The following RAB3GAP2 variants were observed in gnomAD, a reference collection of about 807,000 sequenced individuals.
The protein encoded by RAB3GAP2 is RAB3 GTPase activating non-catalytic protein subunit 2, also known as rab3 GTPase-activating protein non-catalytic subunit.
Under a neutral mutation model 185.3 loss-of-function variants are expected in RAB3GAP2, and 87 were observed. That is an observed-to-expected ratio of 0.47 (90% CI 0.39 to 0.56). RAB3GAP2 has a LOEUF of 0.56. Ranked by LOEUF, RAB3GAP2 falls within the 20% of genes least tolerant of loss-of-function variation. The pLI is 0.00. For synonymous variants in RAB3GAP2, 554 were observed against 576.1 expected, an observed-to-expected ratio of 0.96 and a Z score of 0.55; for missense variants, 1,492 against 1,638.2, an observed-to-expected ratio of 0.91 and a Z score of 1.54.
chr1:220,227,664 T>C (rs1037444791), intron 2 of RAB3GAP2, among the ~76,000 whole-genome samples: 6 of 152,198 alleles, frequency 3.9e-5, no homozygotes, highest in African/African-American at 1.4e-4. Flanking sequence ...AACACCCGAC[T>C]AATGCAGAAG....
At chr1:220,172,175 A>G in intron 22 of RAB3GAP2, 126 bp from the exon 23 acceptor site, 1 of 891,170 alleles carries the variant, frequency 1.1e-6, no homozygotes, top group Non-Finnish European at 1.8e-6. Context: ...TTCTCAATGA[A>G]GTGGAAGTCT....
intron 20 of RAB3GAP2, 58 bp from the exon 21 acceptor site, chr1:220,182,412 A>C (rs1037020770): frequency 4.4e-6 from 7 of 1,603,252 alleles, no homozygotes; most frequent in Non-Finnish European, 6.0e-6. Flanking sequence ...TGGACTAACA[A>C]TCTTATTGAA....
rs1658203351 is a variant in RAB3GAP2 at position 220,172,747 on chromosome 1, A to T, written c.2311-5T>A. On this transcript the variant is annotated splice_region_variant and splice_polypyrimidine_tract_variant and intron_variant, in intron 21 of 34. Transcript: ENST00000358951. Reference sequence around the variant, plus strand: ...CCAAACACTCAGGAGCAGAGACTGAAATCAAATTTAAATCTTTTTCAGTCT... The same window carrying T: ...CCAAACACTCAGGAGCAGAGACTGATATCAAATTTAAATCTTTTTCAGTCT... 1.9e-6 allele frequency: 3 copies of T among 1,591,848 alleles called. No homozygotes were observed. The highest frequency in any genetic ancestry group is 1.7e-6 in the Non-Finnish European group (2 of 1,159,802).
chr1:220,201,021 G>A (rs1223475894), intron 9 of RAB3GAP2, among the ~76,000 whole-genome samples: 2 of 152,110 alleles, frequency 1.3e-5, no homozygotes, highest in African/African-American at 2.4e-5. Flanking sequence ...CCCCTTGTCT[G>A]TTACAATTAC....
chr1:220,267,501 C>T (rs532188433), intron 1 of RAB3GAP2: 112 of 1,409,998 alleles, frequency 7.9e-5, no homozygotes, highest in Middle Eastern at 3.5e-4. Context: ...TTCCTTTACC[C>T]GGAGGGCGAC....
intron 1 of RAB3GAP2, among the ~76,000 whole-genome samples, chr1:220,262,494 T>C (rs1225708936): frequency 1.3e-5 from 2 of 152,236 alleles, no homozygotes; most frequent in African/African-American, 4.8e-5. Flanking sequence ...CCTCAGCCTC[T>C]GGTAACCGCC....
At chr1:220,265,560 T>C (rs993437404) in intron 1 of RAB3GAP2, among the ~76,000 whole-genome samples, 1 of 152,206 alleles carries the variant, frequency 6.6e-6, no homozygotes, top group East Asian at 1.9e-4. Flanking sequence ...GTCTAGGCAT[T>C]GGAAATTATG....
chr1:220,202,354 T>C lies in RAB3GAP2; in HGVS notation c.733A>G (p.Asn245Asp). 6.2e-7 allele frequency: 1 copy of C among 1,613,878 alleles called. No homozygotes were observed. Among genetic ancestry groups the C allele is most frequent in the Non-Finnish European group, 8.5e-7 (1 of 1,179,874 alleles). ...VAKAAASGNENIQPPPLAYKK... is the reference protein window; with the variant it reads ...VAKAAASGNEDIQPPPLAYKK... ...TAAGCTAATGGTGGTGGTTGTATGT[T>C]CTCATTGCCTGATGCTGCAGCTACC... Residue 245 changes from asparagine (N) to aspartate (D), a missense_variant, in exon 9 of 35, where the codon AAC becomes GAC. Asn to Asp is a conservative substitution (Grantham distance 23, BLOSUM62 1). Coordinates refer to ENST00000358951, the MANE Select transcript of RAB3GAP2 (RefSeq NM_012414.4).
At chr1:220,263,426 G>T (rs980299918) in intron 1 of RAB3GAP2, among the ~76,000 whole-genome samples, 3 of 151,984 alleles carry the variant, frequency 2.0e-5, no homozygotes. Context: ...TACAGTGTTA[G>T]GTGCTGCATT....
At chr1:220,159,222 C>A (rs1226839210) in intron 29 of RAB3GAP2, among the ~76,000 whole-genome samples, 164 bp downstream of exon 29, 1 of 152,150 alleles carries the variant, frequency 6.6e-6, no homozygotes, top group Non-Finnish European at 1.5e-5. Context: ...GGCCATAGTT[C>A]ATGACCAGTT....
At chr1:220,182,165 TA>T in intron 21 of RAB3GAP2, 91 bp downstream of exon 21, 1 of 1,583,618 alleles carries the variant, frequency 6.3e-7, no homozygotes. Context: ...TGTGATATCC[TA>T]AAAGACAATA....
At position 220,196,387 on chromosome 1, in the gene RAB3GAP2, G is replaced by A. The variant is rs1388103262; in HGVS notation, c.823C>T (p.Leu275=). The change falls in exon 10 of 35, where the codon CTG becomes TTG. Residue 275 remains leucine, a synonymous_variant. Transcript: ENST00000358951. ...IDHASVGIMT[L]SPFDQMKTAS... ...GTCTTCATTTGATCAAAGGGGGACA[G>A]AGTCATAATACCTAATAAAAAAAAA... 6.3e-7 allele frequency: 1 copy of A among 1,598,030 alleles called. No individual in the cohort carries two copies. The highest frequency in any genetic ancestry group is 2.2e-5 in the East Asian group (1 of 44,556).
Position 220,190,367 on chromosome 1 carries a change from C to A in RAB3GAP2, c.1631+10G>T. ...AGGAGCGTCAATCAGCAACACTGGA[C>A]ACACCTTACCTCAGTGCTAAATGGA... On this transcript the variant is annotated intron_variant, in intron 15 of 34. Transcript: ENST00000358951. The A allele has an allele frequency of 6.2e-7, 1 of 1,614,034 alleles. No homozygotes were observed. Among genetic ancestry groups the A allele is most frequent in the Non-Finnish European group, 8.5e-7 (1 of 1,179,946 alleles).
Position 220,157,345 on chromosome 1 carries a change from GATGGAGTGGTGCTCC to G in RAB3GAP2, c.3465_3479del (p.Glu1156_Ile1160del). 1.9e-6 allele frequency: 3 copies of G among 1,613,898 alleles called. No homozygotes were observed. The highest frequency in any genetic ancestry group is 1.7e-6 in the Non-Finnish European group (2 of 1,179,942). On this transcript the variant is annotated inframe_deletion, in exon 31 of 35. Coordinates refer to ENST00000358951, the MANE Select transcript of RAB3GAP2 (RefSeq NM_012414.4). ...TGACTGCATACAAGATGGAGCACAG[GATGGAGTGGTGCTCC>G]ACCAGTGGGTAGTGGATGTGCTTCT...
chr1:220,158,432 T>A lies in RAB3GAP2; in HGVS notation c.3262-556A>T, dbSNP rs1657898842. On this transcript the variant is annotated intron_variant, in intron 29 of 34. Transcript: ENST00000358951. The surrounding 1 kb of genome is among the most constrained non-coding windows in gnomAD (Gnocchi z 4.3). The stretch of plus-strand genomic sequence containing the variant: ...AGGGCTTGTCCAAGGGACCACTGCA[T>A]TTGTGTATAATCTTTTTTTTTTTTT... Among the ~76,000 whole-genome samples the A allele has an allele frequency of 6.6e-6, 1 of 152,036 alleles. No individual in the cohort carries two copies. Among genetic ancestry groups the A allele is most frequent in the Non-Finnish European group, 1.5e-5 (1 of 67,974 alleles).
At chr1:220,171,556 T>C (rs1267088870) in intron 23 of RAB3GAP2, among the ~76,000 whole-genome samples, 1 of 152,194 alleles carries the variant, frequency 6.6e-6, no homozygotes, top group Non-Finnish European at 1.5e-5. Flanking sequence ...TAAACAACAG[T>C]GGCTGACAAT....
intron 2 of RAB3GAP2, among the ~76,000 whole-genome samples, chr1:220,225,507 G>T (rs963910948): frequency 2.0e-5 from 3 of 152,032 alleles, no homozygotes; most frequent in African/African-American, 7.2e-5. Flanking sequence ...AGAATTATTG[G>T]CCTCTACTCA....
Position 220,205,993 on chromosome 1 carries a change from C to G in RAB3GAP2, c.626G>C (p.Ser209Thr). The G allele has an allele frequency of 6.3e-7, 1 of 1,596,300 alleles. No individual in the cohort carries two copies. The highest frequency in any genetic ancestry group is 8.6e-7 in the Non-Finnish European group (1 of 1,165,650). Reference sequence around the variant, plus strand: ...CACAATGGCAGCTGGATATAAGATACTCAACTCTTCATTCTATTTAAGAAA... The same window carrying G: ...CACAATGGCAGCTGGATATAAGATAGTCAACTCTTCATTCTATTTAAGAAA... ...PGVTEQNEEL[S>T]ILYPAAIVTI... Residue 209 changes from serine (S) to threonine (T), a missense_variant, in exon 8 of 35, where the codon AGT becomes ACT. Physicochemically the swap from Ser to Thr is moderately conservative, Grantham distance 58 (BLOSUM62 1). Coordinates refer to ENST00000358951, the MANE Select transcript of RAB3GAP2 (RefSeq NM_012414.4).
chr1:220,200,582 T>G (rs1238444259), intron 9 of RAB3GAP2: 1 of 530,220 alleles, frequency 1.9e-6, no homozygotes, highest in East Asian at 5.5e-5. Context: ...GAATAATAGT[T>G]TCTATCCAAT....
Sources: allele counts gnomAD v4.1 joint callset (sites outside exome capture counted in the v4.1 genomes callset), GRCh38; gene constraint gnomAD v4.1.1; non-coding constraint Gnocchi (gnomAD v3.1); transcripts MANE v1.5; gene names NCBI Gene and HGNC (gene_info 2026-07-23, HGNC 2026-07-21).